Variants in TRPA1 observed in about 807,000 individuals in gnomAD.
TRPA1 encodes ankyrin-like with transmembrane domains 1.
In TRPA1, 129 loss-of-function variants were observed where a neutral mutation model predicts 131.3. The observed-to-expected ratio is 0.98, with a 90% confidence interval of 0.85 to 1.14. The LOEUF (loss-of-function observed/expected upper bound fraction) is 1.14. TRPA1 is among the 50% of genes most tolerant of loss of function. The pLI, the probability that TRPA1 is intolerant of heterozygous loss-of-function variation, is 0.00. For missense variants in TRPA1, 1,304 were observed against 1,354.2 expected (o/e 0.96, Z 0.58); for synonymous variants, 441 against 451.7 (o/e 0.98, Z 0.30).
chr8:72,087,635 T>TAC, the TRPA1 span, among the ~76,000 whole-genome samples: 1 of 139,152 alleles, frequency 7.2e-6, no homozygotes, highest in Non-Finnish European at 1.5e-5. Flanking sequence ...CTATCAAATA[T>TAC]ATATATATAT....
At chr8:72,062,981 T>A in intron 5 of TRPA1, 37 bp from the exon 6 acceptor site, 1 of 1,570,690 alleles carries the variant, frequency 6.4e-7, no homozygotes, top group African/African-American at 1.4e-5. Context: ...AACAAATATA[T>A]AAAATAAATA....
intron 21 of TRPA1, among the ~76,000 whole-genome samples, chr8:72,035,263 A>C (rs1000109550): frequency 2.0e-5 from 3 of 152,228 alleles, no homozygotes; most frequent in Non-Finnish European, 2.9e-5. Context: ...TGACTCAGCA[A>C]GGCCACTAAT....
At chr8:72,033,611 A>G (rs372156749) in intron 23 of TRPA1, 33 bp downstream of exon 23, 2 of 1,576,032 alleles carry the variant, frequency 1.3e-6, no homozygotes, top group Non-Finnish European at 1.7e-6. Flanking sequence ...TCAAATGATC[A>G]ACAAACAGAA....
Position 72,052,700 on chromosome 8 carries a change from G to A in TRPA1, c.1710C>T (p.His570=). The change falls in exon 14 of 27, where the codon CAC becomes CAT. Residue 570 remains histidine, a synonymous_variant. Coordinates refer to ENST00000262209, the MANE Select transcript of TRPA1 (RefSeq NM_007332.3). ...GCTTGTTCAGGACTATGTCAGCATT[G>A]TGGCTCAGAAGAAGCGCAACGGCTT... ...HAKAVALLLS[H]NADIVLNKQQ... 6.2e-7 allele frequency: 1 copy of A among 1,613,886 alleles called. No homozygotes were observed. Among genetic ancestry groups the A allele is most frequent in the Non-Finnish European group, 8.5e-7 (1 of 1,179,880 alleles).
chr8:72,087,596 C>A, the TRPA1 span, among the ~76,000 whole-genome samples: 1 of 148,410 alleles, frequency 6.7e-6, no homozygotes, highest in South Asian at 2.1e-4. Flanking sequence ...ATCTTTCAGC[C>A]CACTGTTTTG....
At chr8:72,079,117 A>G (rs1806242042), upstream of TRPA1, among the ~76,000 whole-genome samples, 1 of 151,968 alleles carries the variant, frequency 6.6e-6, no homozygotes, top group Admixed American at 6.6e-5. Context: ...TTAAATTGTA[A>G]GAGTTCTTTA....
chr8:72,053,435 T>A (rs1356704997), intron 13 of TRPA1: 5 of 391,760 alleles, frequency 1.3e-5, no homozygotes, highest in Non-Finnish European at 2.4e-5. Flanking sequence ...ACACTTATCT[T>A]AATGAAAACT....
intron 24 of TRPA1, 128 bp downstream of exon 24, chr8:72,029,773 T>C: frequency 1.1e-6 from 1 of 924,716 alleles, no homozygotes; most frequent in Non-Finnish European, 1.7e-6. Flanking sequence ...TACTTTACAG[T>C]GTAAGTAGTA....
chr8:72,034,306 A>G lies in TRPA1; in HGVS notation c.2627T>C (p.Val876Ala), dbSNP rs1811950147. 6.2e-7 allele frequency: 1 copy of G among 1,601,696 alleles called. No individual in the cohort carries two copies. Among genetic ancestry groups the G allele is most frequent in the Non-Finnish European group, 8.5e-7 (1 of 1,172,360 alleles). The change falls in exon 22 of 27, where the codon GTA becomes GCA. Residue 876 changes from valine (V) to alanine (A), a missense_variant. Val to Ala is a moderately conservative substitution (Grantham distance 64). Coordinates refer to ENST00000262209, the MANE Select transcript of TRPA1 (RefSeq NM_007332.3). The stretch of plus-strand genomic sequence containing the variant: ...AAAAGCCAGAAGAAGGAAGATAAAT[A>G]CAACTGTAGACCTCAACAAAGTTTT... ...ILKTLLRSTV[V>A]FIFLLLAFGL...
chr8:72,069,791 GGAGAGA>G (rs139984689), intron 2 of TRPA1, among the ~76,000 whole-genome samples: 1 of 150,034 alleles, frequency 6.7e-6, no homozygotes, highest in Non-Finnish European at 1.5e-5. Flanking sequence ...ACACACACAG[GGAGAGA>G]GAGAGAGAGA....
At chr8:72,037,513 C>G (rs1173857410) in intron 20 of TRPA1, among the ~76,000 whole-genome samples, 1 of 151,826 alleles carries the variant, frequency 6.6e-6, no homozygotes, top group African/African-American at 2.4e-5. Context: ...TAAAAAGTTC[C>G]AAAATTGTAT....
At chr8:72,084,814 G>C in the TRPA1 span, among the ~76,000 whole-genome samples, 2 of 151,780 alleles carry the variant, frequency 1.3e-5, no homozygotes, top group African/African-American at 4.8e-5. Flanking sequence ...ACCACACCCA[G>C]CTGATTTTTG....
chr8:72,089,858 T>C, the TRPA1 span, among the ~76,000 whole-genome samples: 1 of 152,148 alleles, frequency 6.6e-6, no homozygotes, highest in Non-Finnish European at 1.5e-5. Context: ...TTATTTTATA[T>C]ATCAGAAACC....
intron 15 of TRPA1, among the ~76,000 whole-genome samples, chr8:72,049,141 A>G (rs1805427801): frequency 7.9e-6 from 1 of 126,162 alleles, no homozygotes; most frequent in Non-Finnish European, 1.7e-5. Flanking sequence ...TATTTGGTGC[A>G]CAGGAAGTCC....
At chr8:72,080,352 G>T (rs2129437423), upstream of TRPA1, among the ~76,000 whole-genome samples, 2 of 151,578 alleles carry the variant, frequency 1.3e-5, no homozygotes, top group South Asian at 4.2e-4. Context: ...GTTTAATTTT[G>T]TCTGATACTG....
intron 2 of TRPA1, among the ~76,000 whole-genome samples, chr8:72,070,493 C>A (rs538078682): frequency 3.9e-5 from 6 of 152,282 alleles, no homozygotes; most frequent in South Asian, 2.1e-4. Flanking sequence ...TGGCTTTTAT[C>A]CTCATCCCTT....
At chr8:72,073,473 T>C (rs1199891429) in intron 1 of TRPA1, among the ~76,000 whole-genome samples, 2 of 152,234 alleles carry the variant, frequency 1.3e-5, no homozygotes, top group East Asian at 3.8e-4. Flanking sequence ...AAAAACCCTC[T>C]AGAGGTTAAA....
intron 14 of TRPA1, 70 bp from the exon 15 acceptor site, chr8:72,050,941 A>C: frequency 1.1e-4 from 127 of 1,131,782 alleles, no homozygotes; most frequent in Middle Eastern, 2.0e-4. Context: ...GCTGAAACTC[A>C]AGATTATTTC....
intron 14 of TRPA1, among the ~76,000 whole-genome samples, chr8:72,051,508 C>A (rs72659659): frequency 0.011 from 1,736 of 152,238 alleles, 13 homozygotes; most frequent in Admixed American, 0.018. Flanking sequence ...TTCTGTTAAA[C>A]TCTATCAGTA....
Sources: gnomAD v4.1 joint callset for allele counts (sites outside exome capture counted in the v4.1 genomes callset) on GRCh38, gnomAD v4.1.1 for gene constraint, MANE v1.5 for transcripts, NCBI Gene and HGNC (gene_info 2026-07-23, HGNC 2026-07-21) for gene names.